Variants in SLC25A13 observed in about 807,000 individuals in gnomAD.
SLC25A13 encodes solute carrier family 25 member 13.
In SLC25A13, 70 loss-of-function variants were observed where a neutral mutation model predicts 85.5. The ratio of observed to expected loss-of-function variants is 0.82; its 90% CI spans 0.68 to 1.00. The LOEUF (loss-of-function observed/expected upper bound fraction) is 1.00, where lower values mean the gene tolerates loss of function less well. SLC25A13 is among the 50% of genes least tolerant of loss of function. SLC25A13 has a pLI of 0.00. For missense variants in SLC25A13, 765 were observed against 819.8 expected, an observed-to-expected ratio of 0.93 and a Z score of 0.82; for synonymous variants, 259 against 288.7, an observed-to-expected ratio of 0.90 and a Z score of 1.04.
chr7:96,314,090 A>G lies in SLC25A13; in HGVS notation c.15+7852T>C, dbSNP rs570689565. On this transcript the variant is annotated intron_variant, in intron 1 of 17. Coordinates refer to ENST00000265631, the MANE Select transcript of SLC25A13 (RefSeq NM_014251.3). ...CTGGGAAGAAAGAAGACGAAAGAAG[A>G]AAGAAGAAGGAAGGAGAAGGAGGAG... Among the ~76,000 whole-genome samples, 21 of 152,228 alleles carry G rather than the reference A, an allele frequency of 1.4e-4. 1 individual carries two copies. In the South Asian group the frequency reaches 4.4e-3, roughly 32 times the overall value.
intron 5 of SLC25A13, among the ~76,000 whole-genome samples, chr7:96,194,442 C>CAAAAAAAAAAA (rs546248549): frequency 0.032 from 883 of 27,664 alleles, 200 homozygotes; most frequent in Middle Eastern, 0.25. Flanking sequence ...AACCTTGTCT[C>CAAAAAAAAAAA]AAAAAAAAAA....
intron 3 of SLC25A13, among the ~76,000 whole-genome samples, chr7:96,266,828 G>A (rs1489608767): frequency 6.6e-6 from 1 of 152,108 alleles, no homozygotes; most frequent in Non-Finnish European, 1.5e-5. Context: ...CACCTTGAGA[G>A]AAAGGAAAAA....
At chr7:96,209,320 G>C (rs1183032930) in intron 4 of SLC25A13, among the ~76,000 whole-genome samples, 4 of 143,174 alleles carry the variant, frequency 2.8e-5, no homozygotes, top group Admixed American at 7.2e-5. Flanking sequence ...AGGTACAGAG[G>C]ACAGAATTCA....
intron 11 of SLC25A13, among the ~76,000 whole-genome samples, chr7:96,183,067 A>G (rs1455524418): frequency 6.6e-6 from 1 of 152,202 alleles, no homozygotes; most frequent in Non-Finnish European, 1.5e-5. Context: ...AAGCATTTCA[A>G]ATGGAAGGCA....
At chr7:96,305,189 A>G (rs1406576384) in intron 1 of SLC25A13, among the ~76,000 whole-genome samples, 1 of 152,206 alleles carries the variant, frequency 6.6e-6, no homozygotes, top group Non-Finnish European at 1.5e-5. Flanking sequence ...ATACCAGTAG[A>G]TCACACAGCC....
chr7:96,204,099 C>A (rs1795367945), intron 5 of SLC25A13, among the ~76,000 whole-genome samples: 1 of 152,112 alleles, frequency 6.6e-6, no homozygotes, highest in South Asian at 2.1e-4. Context: ...GGCCATTTCC[C>A]TGGAAAATTA....
chr7:96,169,834 A>T, intron 13 of SLC25A13: 1 of 588,544 alleles, frequency 1.7e-6, no homozygotes, highest in East Asian at 2.8e-5. Context: ...TTTAACAGGC[A>T]TGACTTAACA....
chr7:96,218,421 C>T (rs1412190661), intron 4 of SLC25A13, among the ~76,000 whole-genome samples: 1 of 152,142 alleles, frequency 6.6e-6, no homozygotes, highest in Non-Finnish European at 1.5e-5. Flanking sequence ...ATTACTTGCA[C>T]ATGCCATTAA....
At chr7:96,209,247 G>T (rs965340403) in intron 4 of SLC25A13, among the ~76,000 whole-genome samples, 14 of 151,546 alleles carry the variant, frequency 9.2e-5, no homozygotes, top group African/African-American at 2.9e-4. Context: ...GGAAACCCAA[G>T]TAGAAAGCTA....
At chr7:96,205,275 T>G (rs1232643357) in intron 5 of SLC25A13, among the ~76,000 whole-genome samples, 1 of 152,234 alleles carries the variant, frequency 6.6e-6, no homozygotes, top group African/African-American at 2.4e-5. Flanking sequence ...AATTATTTTC[T>G]AAAATACAAA....
intron 4 of SLC25A13, among the ~76,000 whole-genome samples, chr7:96,228,202 A>G (rs1019388443): frequency 6.6e-6 from 1 of 152,188 alleles, no homozygotes; most frequent in Non-Finnish European, 1.5e-5. Context: ...GCTATCCACA[A>G]AAGAAAATGC....
chr7:96,153,124 A>G (rs1455433473), intron 13 of SLC25A13, among the ~76,000 whole-genome samples: 2 of 152,264 alleles, frequency 1.3e-5, no homozygotes, highest in Non-Finnish European at 2.9e-5. Flanking sequence ...AAGGTAGAAC[A>G]TGAAGAGTTT....
intron 13 of SLC25A13, among the ~76,000 whole-genome samples, chr7:96,151,634 A>G (rs1354288930): frequency 6.7e-6 from 1 of 148,898 alleles, no homozygotes; most frequent in Non-Finnish European, 1.5e-5. Context: ...TCATAATATT[A>G]TAAGGTAAGT....
At chr7:96,222,184 G>A (rs1487501696) in intron 4 of SLC25A13, among the ~76,000 whole-genome samples, 1 of 152,240 alleles carries the variant, frequency 6.6e-6, no homozygotes, top group East Asian at 1.9e-4. Context: ...CTTCTCTATA[G>A]TTACTAAACT....
chr7:96,170,180 C>T (rs1793940703), intron 12 of SLC25A13, 55 bp from the exon 13 acceptor site: 2 of 1,492,456 alleles, frequency 1.3e-6, no homozygotes, highest in Non-Finnish European at 1.9e-6. Flanking sequence ...AGTCATTAAA[C>T]ACTTATAAAT....
intron 15 of SLC25A13, among the ~76,000 whole-genome samples, chr7:96,131,454 A>T (rs1562782186): frequency 6.6e-6 from 1 of 152,210 alleles, no homozygotes; most frequent in Non-Finnish European, 1.5e-5. Context: ...GTGAAGTGAG[A>T]CTATGAAATG....
chr7:96,163,051 C>T (rs1793576427), intron 13 of SLC25A13, among the ~76,000 whole-genome samples: 1 of 152,128 alleles, frequency 6.6e-6, no homozygotes, highest in Admixed American at 6.5e-5. Context: ...TGTTCCCAGC[C>T]CACAACACAG....
intron 14 of SLC25A13, among the ~76,000 whole-genome samples, chr7:96,143,034 A>G (rs1036089730): frequency 6.6e-6 from 1 of 152,248 alleles, no homozygotes; most frequent in African/African-American, 2.4e-5. Context: ...TGACCCTCCA[A>G]GGTAGAATCA....
At chr7:96,186,722 A>C (rs977665927) in intron 9 of SLC25A13, among the ~76,000 whole-genome samples, 1 of 152,210 alleles carries the variant, frequency 6.6e-6, no homozygotes, top group Admixed American at 6.5e-5. Context: ...ATAGGCTAAA[A>C]AGAGCATGGT....
Sources: allele counts gnomAD v4.1 joint callset (sites outside exome capture counted in the v4.1 genomes callset), GRCh38; gene constraint gnomAD v4.1.1; transcripts MANE v1.5; gene names NCBI Gene and HGNC (gene_info 2026-07-23, HGNC 2026-07-21).